The following DCLK1 variants were observed in gnomAD, a reference collection of about 807,000 sequenced individuals.
DCLK1 encodes doublecortin like kinase 1, also known as serine/threonine-protein kinase DCLK1.
Under a neutral mutation model 86.2 loss-of-function variants are expected in DCLK1, and 16 were observed. The observed-to-expected ratio is 0.19, with a 90% confidence interval of 0.13 to 0.28. DCLK1 has a LOEUF of 0.28. Ranked by LOEUF, DCLK1 falls within the 10% of genes least tolerant of loss-of-function variation. DCLK1 has a pLI of 1.00. For missense variants in DCLK1, 590 were observed against 940.2 expected (o/e 0.63, Z 4.87); for synonymous variants, 369 against 370.5 (o/e 1.00, Z 0.05).
intron 4 of DCLK1, among the ~76,000 whole-genome samples, chr13:35,896,870 G>A (rs896938802): frequency 3.9e-5 from 6 of 152,120 alleles, no homozygotes; most frequent in South Asian, 2.1e-4. Flanking sequence ...CTCAGAAAAC[G>A]GACATTTAAC....
chr13:35,912,486 G>A (rs1875098846), intron 4 of DCLK1, among the ~76,000 whole-genome samples: 1 of 152,118 alleles, frequency 6.6e-6, no homozygotes, highest in Non-Finnish European at 1.5e-5. Flanking sequence ...GGAGAAAGAT[G>A]ATTCGACTTC....
intron 7 of DCLK1, 117 bp downstream of exon 7, chr13:35,838,975 C>T (rs1813814832): frequency 9.1e-6 from 8 of 880,746 alleles, no homozygotes; most frequent in South Asian, 1.6e-5. Flanking sequence ...TGTGATTGAC[C>T]CTCAGGAGCT....
At chr13:36,071,811 T>C (rs1046557554) in intron 3 of DCLK1, among the ~76,000 whole-genome samples, 8 of 152,162 alleles carry the variant, frequency 5.3e-5, no homozygotes, top group African/African-American at 1.4e-4. Context: ...ACCACTAGAC[T>C]ATATTGCTTT....
chr13:35,810,390 C>T lies in DCLK1; in HGVS notation c.1688+445G>A, dbSNP rs540317868. Among the ~76,000 whole-genome samples the T allele has an allele frequency of 5.3e-5, 8 of 152,222 alleles. No homozygotes were observed. The South Asian group carries it at 1.2e-3, about 24-fold the overall frequency. ...GATGCCTAAGGGTGTTTGTACTCCA[C>T]GGAAAATCAATGGATCCCCAAGAGG... On this transcript the variant is annotated intron_variant, in intron 12 of 16. Coordinates refer to ENST00000360631, the MANE Select transcript of DCLK1 (RefSeq NM_001330071.2).
intron 3 of DCLK1, among the ~76,000 whole-genome samples, chr13:36,089,323 T>C (rs1178533336): frequency 1.3e-5 from 2 of 152,236 alleles, no homozygotes; most frequent in African/African-American, 2.4e-5. Context: ...ACAGGCCAGA[T>C]GGCCTAGAGA....
At chr13:35,979,937 T>G (rs1183677482) in intron 3 of DCLK1, among the ~76,000 whole-genome samples, 1 of 152,200 alleles carries the variant, frequency 6.6e-6, no homozygotes, top group Non-Finnish European at 1.5e-5. Context: ...AGTGTGCTGT[T>G]GAAAATATAA....
At chr13:36,072,510 G>C (rs1308554768) in intron 3 of DCLK1, among the ~76,000 whole-genome samples, 2 of 152,030 alleles carry the variant, frequency 1.3e-5, no homozygotes, top group Non-Finnish European at 2.9e-5. Flanking sequence ...ATATCTTCAG[G>C]CCAGACTTCT....
At chr13:35,776,043 A>G (rs2086419543) in intron 16 of DCLK1, among the ~76,000 whole-genome samples, 1 of 152,210 alleles carries the variant, frequency 6.6e-6, no homozygotes, top group African/African-American at 2.4e-5. Flanking sequence ...GAGGAAGATA[A>G]ACTTCAATAA....
chr13:36,064,634 G>C (rs1883681872), intron 3 of DCLK1, among the ~76,000 whole-genome samples: 1 of 150,920 alleles, frequency 6.6e-6, no homozygotes, highest in African/African-American at 2.4e-5. Flanking sequence ...ACTCCAGCCT[G>C]GCGACAGAGT....
chr13:35,967,492 TC>T lies in DCLK1; in HGVS notation c.724-20036del, dbSNP rs766680814. ...TTTGTTCTGTACTAAGAAAAATTCTTCTGCCTTGGGATGCTGTTAATCTATA... is the reference window on the plus strand; with the variant it reads ...TTTGTTCTGTACTAAGAAAAATTCTTTGCCTTGGGATGCTGTTAATCTATA... On this transcript the variant is annotated intron_variant, in intron 3 of 16. Coordinates refer to ENST00000360631, the MANE Select transcript of DCLK1 (RefSeq NM_001330071.2). Among the ~76,000 whole-genome samples, 35 of 152,374 alleles carry T rather than the reference TC, an allele frequency of 2.3e-4. No homozygotes were observed. The East Asian group carries it at 2.5e-3, about 11-fold the overall frequency.
Position 36,086,269 on chromosome 13 carries a change from C to T in DCLK1, c.723+25600G>A, listed in dbSNP as rs1045306998. Among the ~76,000 whole-genome samples the T allele has an allele frequency of 1.2e-4, 19 of 152,066 alleles. 1 individual carries two copies. Among genetic ancestry groups the T allele is most frequent in the Admixed American group, 3.3e-4 (5 of 15,278 alleles). On this transcript the variant is annotated intron_variant, in intron 3 of 16. Transcript: ENST00000360631. The stretch of plus-strand genomic sequence containing the variant: ...GCTGTTTCTGTGACTTAAAACACAA[C>T]CTACACCAGCCCTCTGGAGTCTGCT...
intron 15 of DCLK1, among the ~76,000 whole-genome samples, chr13:35,803,648 C>A (rs1214816592): frequency 6.6e-6 from 1 of 152,190 alleles, no homozygotes. Flanking sequence ...CTTGTCCCCC[C>A]ATATGTAGTC....
chr13:36,096,542 C>T (rs116635762), intron 3 of DCLK1, among the ~76,000 whole-genome samples: 217 of 152,178 alleles, frequency 1.4e-3, no homozygotes, highest in African/African-American at 5.0e-3. Context: ...TTTTAAAAGT[C>T]CTCAAAGATC....
chr13:35,920,497 A>C (rs1446266043), intron 4 of DCLK1, among the ~76,000 whole-genome samples: 2 of 152,164 alleles, frequency 1.3e-5, no homozygotes, highest in Non-Finnish European at 2.9e-5. Context: ...TGTATTCTCA[A>C]GGAGTTAGGC....
chr13:35,972,566 G>A (rs182060255), intron 3 of DCLK1, among the ~76,000 whole-genome samples: 3 of 152,218 alleles, frequency 2.0e-5, no homozygotes, highest in Non-Finnish European at 2.9e-5. Flanking sequence ...ATTGATATGT[G>A]GAGTCAACAG....
At chr13:35,938,976 G>A (rs528150400) in intron 4 of DCLK1, among the ~76,000 whole-genome samples, 11 of 152,290 alleles carry the variant, frequency 7.2e-5, no homozygotes, top group Non-Finnish European at 1.0e-4. Flanking sequence ...TATTTGTAGC[G>A]AAGGAACTAG....
intron 3 of DCLK1, among the ~76,000 whole-genome samples, chr13:35,994,989 A>G (rs139264926): frequency 4.6e-5 from 7 of 152,360 alleles, no homozygotes; most frequent in African/African-American, 1.7e-4. Flanking sequence ...ACTGCAGCAC[A>G]TTCAATTTTA....
At chr13:35,916,051 T>C (rs935457440) in intron 4 of DCLK1, among the ~76,000 whole-genome samples, 3 of 152,312 alleles carry the variant, frequency 2.0e-5, no homozygotes, top group Middle Eastern at 3.4e-3. Flanking sequence ...ACCCTAAATC[T>C]AACCTTCAGG....
At chr13:35,916,371 G>C (rs181656322) in intron 4 of DCLK1, among the ~76,000 whole-genome samples, 58 of 152,246 alleles carry the variant, frequency 3.8e-4, no homozygotes, top group African/African-American at 1.3e-3. Context: ...GGGACTTCCA[G>C]GCAGTCCCTC....
Sources: gnomAD v4.1 joint callset for allele counts (sites outside exome capture counted in the v4.1 genomes callset) on GRCh38, gnomAD v4.1.1 for gene constraint, MANE v1.5 for transcripts, NCBI Gene and HGNC (gene_info 2026-07-23, HGNC 2026-07-21) for gene names.